DISP1: variants seen among roughly 807,000 people sequenced by gnomAD.
DISP1 encodes protein dispatched homolog 1.
DISP1 carries 30 observed loss-of-function variants against 37.3 expected under a neutral mutation model. The ratio of observed to expected loss-of-function variants is 0.80; its 90% confidence interval spans 0.60 to 1.09. DISP1 has a LOEUF of 1.09. Ranked by LOEUF, DISP1 falls within the 50% of genes least tolerant of loss-of-function variation. The probability of loss-of-function intolerance (pLI) is 0.00; values close to 1 mark genes in which losing one functional copy is unlikely to be tolerated. For missense variants in DISP1, 1,598 were observed against 1,879.5 expected (o/e 0.85, Z 2.77); for synonymous variants, 634 against 690.2 (o/e 0.92, Z 1.28).
intron 1 of DISP1, among the ~76,000 whole-genome samples, chr1:222,826,847 A>G (rs552641129): frequency 1.3e-5 from 2 of 152,214 alleles, no homozygotes; most frequent in African/African-American, 2.4e-5. Flanking sequence ...AATTTGGACA[A>G]TCTGACTTCA....
intron 1 of DISP1, among the ~76,000 whole-genome samples, chr1:222,846,119 G>A (rs1558289443): frequency 2.6e-5 from 4 of 152,180 alleles, no homozygotes; most frequent in Admixed American, 2.0e-4. Flanking sequence ...TTTTATGTAT[G>A]TTGACTATGG....
intron 3 of DISP1, among the ~76,000 whole-genome samples, chr1:222,963,248 G>T (rs961827968): frequency 7.9e-5 from 12 of 152,154 alleles, no homozygotes; most frequent in African/African-American, 2.7e-4. Context: ...AGTCAAAATG[G>T]AGATTATTAA....
chr1:222,931,516 C>T (rs1264608054), intron 2 of DISP1, among the ~76,000 whole-genome samples: 1 of 151,844 alleles, frequency 6.6e-6, no homozygotes, highest in East Asian at 1.9e-4. Flanking sequence ...CAAATGAAAT[C>T]TCATGGCCTA....
chr1:222,871,480 G>C (rs1669569574), intron 1 of DISP1, among the ~76,000 whole-genome samples: 2 of 152,132 alleles, frequency 1.3e-5, no homozygotes, highest in Non-Finnish European at 1.5e-5. Flanking sequence ...GCAGTGGTTT[G>C]TAGTTCTCCT....
chr1:222,986,443 T>A (rs1332363535), intron 4 of DISP1, among the ~76,000 whole-genome samples: 4 of 152,376 alleles, frequency 2.6e-5, no homozygotes, highest in Admixed American at 1.3e-4. Context: ...TTCGTTTATT[T>A]GTTTTAACAG....
rs1211219274 is a variant in DISP1 at position 222,893,811 on chromosome 1, G to A, written c.-158-34619G>A. Among the ~76,000 whole-genome samples the A allele has an allele frequency of 6.6e-6, 1 of 152,130 alleles. No homozygotes were observed. ...ACAACGTGGCTAATGGAGTGGGGGC[G>A]TGTTTCAGCCCTGTTTGTGTTACAG... is the stretch of plus-strand genomic sequence containing the variant. On this transcript the variant is annotated intron_variant, in intron 1 of 8. Transcript: ENST00000675850. The surrounding 1 kb of genome is among the most constrained non-coding windows in gnomAD (Gnocchi z 4.3).
At chr1:222,925,556 A>G (rs541884341) in intron 1 of DISP1, among the ~76,000 whole-genome samples, 1 of 152,266 alleles carries the variant, frequency 6.6e-6, no homozygotes, top group East Asian at 1.9e-4. Context: ...GACTCCTTTA[A>G]TATATTTCCT....
intron 1 of DISP1, chr1:222,835,055 G>C (rs975650699): frequency 6.6e-6 from 1 of 152,128 alleles, no homozygotes; most frequent in African/African-American, 2.4e-5. Context: ...TCCAAATGTT[G>C]TTGGTCTTGT....
intron 1 of DISP1, among the ~76,000 whole-genome samples, chr1:222,898,364 CA>C (rs1259328119): frequency 6.6e-6 from 1 of 151,986 alleles, no homozygotes; most frequent in Non-Finnish European, 1.5e-5. Flanking sequence ...TTTTATGTGG[CA>C]TAGAGTGTTC....
At chr1:222,998,910 C>A (rs949264533) in intron 8 of DISP1, among the ~76,000 whole-genome samples, 1 of 152,118 alleles carries the variant, frequency 6.6e-6, no homozygotes, top group Non-Finnish European at 1.5e-5. Context: ...CTTGCTTTTT[C>A]TTTTCTCCCG....
intron 1 of DISP1, among the ~76,000 whole-genome samples, chr1:222,847,476 G>A (rs925253348): frequency 6.6e-6 from 1 of 152,154 alleles, no homozygotes; most frequent in African/African-American, 2.4e-5. Context: ...AAATGTGTAT[G>A]TGCATATACA....
At chr1:222,879,185 G>A (rs1670138470) in intron 1 of DISP1, among the ~76,000 whole-genome samples, 1 of 152,094 alleles carries the variant, frequency 6.6e-6, no homozygotes, top group African/African-American at 2.4e-5. Flanking sequence ...TTAAAAACAA[G>A]GTTATTTAAT....
chr1:222,885,164 T>C (rs1670518546), intron 1 of DISP1, among the ~76,000 whole-genome samples: 1 of 152,212 alleles, frequency 6.6e-6, no homozygotes, highest in African/African-American at 2.4e-5. Context: ...ACATTTCTTC[T>C]ACATTCAGTA....
chr1:222,973,328 C>T (rs555514368), intron 3 of DISP1, among the ~76,000 whole-genome samples: 25 of 152,310 alleles, frequency 1.6e-4, no homozygotes, highest in Admixed American at 7.8e-4. Flanking sequence ...TTTCTTTCCT[C>T]TCTGGTAAAC....
intron 3 of DISP1, 34 bp downstream of exon 3, chr1:222,943,366 A>G (rs1190340007): frequency 1.9e-6 from 3 of 1,613,884 alleles, no homozygotes; most frequent in Non-Finnish European, 2.5e-6. Flanking sequence ...TTTAGCATTC[A>G]ACTAATGCCA....
chr1:222,930,138 C>T (rs562650120), intron 2 of DISP1, among the ~76,000 whole-genome samples: 1 of 152,070 alleles, frequency 6.6e-6, no homozygotes. Context: ...ACCAGTGGAG[C>T]CTTTTGGGGA....
chr1:222,853,390 C>T (rs1410429562), intron 1 of DISP1, among the ~76,000 whole-genome samples: 1 of 152,146 alleles, frequency 6.6e-6, no homozygotes, highest in African/African-American at 2.4e-5. Context: ...AGTGATTGTA[C>T]TACTGGGGAT....
chr1:222,976,341 G>A (rs961537254), intron 3 of DISP1, among the ~76,000 whole-genome samples: 5 of 152,102 alleles, frequency 3.3e-5, no homozygotes, highest in Non-Finnish European at 7.4e-5. Context: ...AAAGTATGTA[G>A]TGGACTCCCT....
intron 1 of DISP1, among the ~76,000 whole-genome samples, chr1:222,894,642 G>A (rs186718427): frequency 2.0e-5 from 3 of 152,312 alleles, no homozygotes; most frequent in East Asian, 3.9e-4. Flanking sequence ...AGATGCCTGG[G>A]TCCGCAGCCA....
Sources: gnomAD v4.1 joint callset for allele counts (sites outside exome capture counted in the v4.1 genomes callset) on GRCh38, gnomAD v4.1.1 for gene constraint, Gnocchi (gnomAD v3.1) non-coding constraint, MANE v1.5 for transcripts, NCBI Gene and HGNC (gene_info 2026-07-23, HGNC 2026-07-21) for gene names.